The following LAMA2 variants were observed in gnomAD, a reference collection of about 807,000 sequenced individuals.
The protein encoded by LAMA2 is laminin subunit alpha 2.
In LAMA2, 269 loss-of-function variants were observed where a neutral mutation model predicts 364.8. That is an observed-to-expected ratio of 0.74 (90% CI 0.67 to 0.82). LAMA2 has a LOEUF of 0.82. LAMA2 is among the 40% of genes least tolerant of loss of function. The pLI is 0.00. For synonymous variants in LAMA2, 1,379 were observed against 1,370.6 expected (o/e 1.01, Z -0.14); for missense variants, 3,807 against 3,873.2 (o/e 0.98, Z 0.45).
chr6:129,093,144 G>T (rs989231203), intron 3 of LAMA2, among the ~76,000 whole-genome samples: 1 of 150,810 alleles, frequency 6.6e-6, no homozygotes, highest in Non-Finnish European at 1.5e-5. Context: ...CACCACCCCC[G>T]ACTAATTTTT....
Position 129,440,977 on chromosome 6 carries a change from G to T in LAMA2, c.6247G>T (p.Val2083Phe). 1.2e-6 allele frequency: 2 copies of T among 1,613,584 alleles called. No homozygotes were observed. The highest frequency in any genetic ancestry group is 1.7e-6 in the Non-Finnish European group (2 of 1,179,588). ...ADSVAKTNAV[V>F]KDPSKNKIIA... ...CAGCGTCGCCAAAACGAATGCTGTGGTTAAAGATCCTTCCAAGAACAGTAA... is the reference window on the plus strand; with the variant it reads ...CAGCGTCGCCAAAACGAATGCTGTGTTTAAAGATCCTTCCAAGAACAGTAA... The change falls in exon 43 of 65, where the codon GTT becomes TTT. Residue 2083 changes from valine (V) to phenylalanine (F), a missense_variant. By Grantham distance (50) the Val-to-Phe change is conservative (BLOSUM62 -1). Around this residue, in one of 3 missense-constraint regions of LAMA2, gnomAD observed 3,333 missense variants for 3,345.7 expected, o/e 1.00. Coordinates refer to ENST00000421865, the MANE Select transcript of LAMA2 (RefSeq NM_000426.4).
At chr6:128,952,152 G>A (rs575664130) in intron 1 of LAMA2, among the ~76,000 whole-genome samples, 2 of 152,150 alleles carry the variant, frequency 1.3e-5, no homozygotes, top group East Asian at 3.9e-4. Flanking sequence ...GGGCAATGGA[G>A]CAAGACCCTG....
intron 2 of LAMA2, among the ~76,000 whole-genome samples, chr6:129,053,300 G>C (rs889231660): frequency 1.2e-4 from 18 of 152,056 alleles, no homozygotes; most frequent in Non-Finnish European, 5.9e-5. Flanking sequence ...CCAGACCTCA[G>C]TTGATCCAAC....
chr6:129,223,393 T>A (rs1784014622), intron 12 of LAMA2, among the ~76,000 whole-genome samples: 1 of 152,252 alleles, frequency 6.6e-6, no homozygotes, highest in Non-Finnish European at 1.5e-5. Flanking sequence ...TTGCTTTTCG[T>A]GTTTTAGACA....
chr6:128,904,296 T>A (rs1310279897), intron 1 of LAMA2, among the ~76,000 whole-genome samples: 1 of 152,080 alleles, frequency 6.6e-6, no homozygotes, highest in African/African-American at 2.4e-5. Context: ...CAGAAACAGA[T>A]TTGGAGTGTG....
At chr6:129,093,809 T>A (rs1774997765) in intron 3 of LAMA2, among the ~76,000 whole-genome samples, 1 of 152,212 alleles carries the variant, frequency 6.6e-6, no homozygotes, top group African/African-American at 2.4e-5. Flanking sequence ...TTATTTGGGA[T>A]TTTTTTAAGA....
chr6:129,370,485 A>T (rs1487187681), intron 34 of LAMA2, among the ~76,000 whole-genome samples: 6 of 152,242 alleles, frequency 3.9e-5, no homozygotes, highest in Non-Finnish European at 8.8e-5. Flanking sequence ...TGTAAAGTCC[A>T]TGTTGCATTT....
intron 18 of LAMA2, among the ~76,000 whole-genome samples, chr6:129,281,117 G>C (rs1255791086): frequency 6.6e-6 from 1 of 151,998 alleles, no homozygotes; most frequent in Non-Finnish European, 1.5e-5. Flanking sequence ...AGTACTATTT[G>C]TGAGTATGGA....
intron 34 of LAMA2, among the ~76,000 whole-genome samples, chr6:129,376,447 G>A (rs545342426): frequency 6.0e-4 from 91 of 152,238 alleles, no homozygotes; most frequent in Middle Eastern, 3.4e-3. Flanking sequence ...TCTCCGTAAC[G>A]TAGCCAGAAT....
In LAMA2 at chr6:129,328,286, G is replaced by A; in HGVS notation, c.4185G>A (p.Leu1395=). The A allele has an allele frequency of 6.2e-7, 1 of 1,614,064 alleles. No individual in the cohort carries two copies. Among genetic ancestry groups the A allele is most frequent in the African/African-American group, 1.3e-5 (1 of 75,016 alleles). Residue 1395 remains leucine (L), a synonymous_variant, in exon 29 of 65, where the codon TTG becomes TTA. Coordinates refer to ENST00000421865, the MANE Select transcript of LAMA2 (RefSeq NM_000426.4). The part of the protein sequence containing the change: ...GYSGLSCEAC[L]PGFYRLRSQP... ...GCTTCCTTTTCTTTCAGGCATGCTT[G>A]CCGGGATTTTATCGACTGCGTTCTC... is the stretch of plus-strand genomic sequence containing the variant.
At chr6:129,230,854 G>A (rs1039577755) in intron 12 of LAMA2, among the ~76,000 whole-genome samples, 1 of 152,058 alleles carries the variant, frequency 6.6e-6, no homozygotes, top group Non-Finnish European at 1.5e-5. Context: ...AGACAGTGAT[G>A]AGAAACCCTC....
At chr6:128,903,236 T>C (rs977040846) in intron 1 of LAMA2, among the ~76,000 whole-genome samples, 1 of 152,166 alleles carries the variant, frequency 6.6e-6, no homozygotes, top group African/African-American at 2.4e-5. Context: ...TTACATTTCA[T>C]TGACGTAATT....
chr6:129,395,933 G>T (rs1228837892), intron 37 of LAMA2, among the ~76,000 whole-genome samples: 2 of 152,134 alleles, frequency 1.3e-5, no homozygotes, highest in Non-Finnish European at 2.9e-5. Flanking sequence ...ACGACTGAAG[G>T]GATAGAAAGA....
At chr6:129,245,528 T>A (rs1226426755) in intron 12 of LAMA2, among the ~76,000 whole-genome samples, 1 of 152,170 alleles carries the variant, frequency 6.6e-6, no homozygotes, top group Non-Finnish European at 1.5e-5. Context: ...GTAAAATTAA[T>A]AAATGAGTCT....
intron 9 of LAMA2, among the ~76,000 whole-genome samples, chr6:129,176,412 TTTAG>T (rs1480767333): frequency 2.6e-5 from 4 of 152,014 alleles, no homozygotes; most frequent in Non-Finnish European, 2.9e-5. Context: ...ATGGTAAATA[TTTAG>T]TTATATACCA....
intron 54 of LAMA2, 69 bp downstream of exon 54, chr6:129,478,882 C>T (rs1784217146): frequency 7.5e-7 from 1 of 1,333,648 alleles, no homozygotes; most frequent in Non-Finnish European, 1.1e-6. Context: ...GTGGCTGCTC[C>T]TACAAGGATC....
intron 35 of LAMA2, among the ~76,000 whole-genome samples, chr6:129,384,232 A>T (rs1213325230): frequency 1.3e-5 from 2 of 152,220 alleles, no homozygotes; most frequent in African/African-American, 4.8e-5. Flanking sequence ...CCTCTGCTAG[A>T]TGAAGCTGTT....
chr6:129,078,624 A>G (rs1773818581), intron 3 of LAMA2, among the ~76,000 whole-genome samples: 1 of 152,192 alleles, frequency 6.6e-6, no homozygotes, highest in Non-Finnish European at 1.5e-5. Flanking sequence ...GCCTCTTATA[A>G]TATGGTATGG....
At chr6:129,189,969 C>G (rs944327235) in intron 10 of LAMA2, among the ~76,000 whole-genome samples, 1 of 152,146 alleles carries the variant, frequency 6.6e-6, no homozygotes, top group Non-Finnish European at 1.5e-5. Flanking sequence ...TCAACATAGT[C>G]ACTTTTACGA....
Sources: allele counts gnomAD v4.1 joint callset (sites outside exome capture counted in the v4.1 genomes callset), GRCh38; gene constraint gnomAD v4.1.1; regional missense constraint gnomAD v4.1.1; transcripts MANE v1.5; gene names NCBI Gene and HGNC (gene_info 2026-07-23, HGNC 2026-07-21).